PARD3B: variants seen among roughly 807,000 people sequenced by gnomAD.
The protein encoded by PARD3B is par-3 family cell polarity regulator beta, also known as partitioning defective 3 homolog B.
Under a neutral mutation model 130.2 loss-of-function variants are expected in PARD3B, and 103 were observed. That is an observed-to-expected ratio of 0.79 (90% CI 0.67 to 0.93). The LOEUF (loss-of-function observed/expected upper bound fraction) is 0.93. Ranked by LOEUF, PARD3B falls within the 40% of genes least tolerant of loss-of-function variation. The pLI is 0.00. For missense variants in PARD3B, 1,609 were observed against 1,499.2 expected (o/e 1.07, Z -1.21); for synonymous variants, 583 against 553.2 (o/e 1.05, Z -0.76).
chr2:205,187,457 A>G lies in PARD3B; in HGVS notation c.2024+1594A>G, dbSNP rs1470654584. On this transcript the variant is annotated intron_variant, in intron 14 of 22. Transcript: ENST00000406610. This position sits in a 1 kb window ranked among gnomAD's most constrained non-coding sequence, Gnocchi z 4.9. The stretch of plus-strand genomic sequence containing the variant: ...TGTGTGTATAACATGGATTGGGTGA[A>G]TGGAAGAGGTTTGATATCCCCTGGA... 6.6e-6 allele frequency among the ~76,000 whole-genome samples: 1 copy of G among 152,162 alleles called. No individual in the cohort carries two copies. Among genetic ancestry groups the G allele is most frequent in the African/African-American group, 2.4e-5 (1 of 41,438 alleles).
rs1343648610 is a variant in PARD3B at position 205,231,676 on chromosome 2, C to T, written c.2141-14102C>T. On this transcript the variant is annotated intron_variant, in intron 15 of 22. Coordinates refer to ENST00000406610, the MANE Select transcript of PARD3B (RefSeq NM_001302769.2). The stretch of plus-strand genomic sequence containing the variant: ...TAAACTTATTTCTGGAAAATTAATA[C>T]CATACTATGAAGCTTGATGTAAAAT... Among the ~76,000 whole-genome samples the T allele has an allele frequency of 3.9e-5, 6 of 151,986 alleles. No homozygotes were observed. In the East Asian group the frequency reaches 1.2e-3, roughly 29 times the overall value.
chr2:204,627,677 C>T (rs2034533757), intron 1 of PARD3B, among the ~76,000 whole-genome samples: 1 of 151,914 alleles, frequency 6.6e-6, no homozygotes, highest in South Asian at 2.1e-4. Flanking sequence ...TAGTTTTTTT[C>T]CCTTTTTGTT....
At chr2:204,735,695 G>T (rs2039715264) in intron 2 of PARD3B, among the ~76,000 whole-genome samples, 1 of 152,048 alleles carries the variant, frequency 6.6e-6, no homozygotes, top group African/African-American at 2.4e-5. Context: ...AATATGGATG[G>T]GCCGTTAGAC....
At chr2:204,708,996 A>G (rs2038312082) in intron 2 of PARD3B, among the ~76,000 whole-genome samples, 1 of 152,190 alleles carries the variant, frequency 6.6e-6, no homozygotes, top group Non-Finnish European at 1.5e-5. Flanking sequence ...GGGATTTTCT[A>G]ATTTAGCATA....
At chr2:205,152,395 CCAAT>C (rs1419955778) in intron 10 of PARD3B, among the ~76,000 whole-genome samples, 1 of 152,196 alleles carries the variant, frequency 6.6e-6, no homozygotes, top group Non-Finnish European at 1.5e-5. Context: ...TTCAGGTATA[CCAAT>C]CAGACACAGA....
rs1307524734 is a variant in PARD3B at position 205,461,756 on chromosome 2, G to T, written c.3044+21084G>T. Among the ~76,000 whole-genome samples the T allele has an allele frequency of 2.0e-5, 3 of 152,058 alleles. No individual in the cohort carries two copies. The highest frequency in any genetic ancestry group is 3.9e-4 in the East Asian group (2 of 5,186). Reference sequence around the variant, plus strand: ...TTCTGATTCAATAGGTCTGGGGTGGGACCCTACAATTTGCATTTCTAACAA... The same window carrying T: ...TTCTGATTCAATAGGTCTGGGGTGGTACCCTACAATTTGCATTTCTAACAA... On this transcript the variant is annotated intron_variant, in intron 20 of 22. Coordinates refer to ENST00000406610, the MANE Select transcript of PARD3B (RefSeq NM_001302769.2). The surrounding 1 kb of genome is among the most constrained non-coding windows in gnomAD (Gnocchi z 4.3).
In PARD3B at chr2:205,599,399, G is replaced by T. The variant is rs550109436; in HGVS notation, c.3261-16057G>T. Among the ~76,000 whole-genome samples the T allele has an allele frequency of 5.9e-5, 9 of 152,326 alleles. 2 individuals carry two copies. Among genetic ancestry groups the T allele is most frequent in the African/African-American group, 2.2e-4 (9 of 41,582 alleles). On this transcript the variant is annotated intron_variant, in intron 22 of 22. Coordinates refer to ENST00000406610, the MANE Select transcript of PARD3B (RefSeq NM_001302769.2). ...AAAAGACTGAATTCACCTGTCTCCA[G>T]AAGTTGTATTATCATGCCAGTGGTC...
intron 2 of PARD3B, among the ~76,000 whole-genome samples, chr2:204,797,532 T>A (rs866354974): frequency 8.5e-5 from 13 of 152,196 alleles, no homozygotes; most frequent in Non-Finnish European, 1.9e-4. Context: ...AAGTGCATAT[T>A]GCACCAGGAA....
intron 2 of PARD3B, among the ~76,000 whole-genome samples, chr2:204,724,166 TA>T (rs1163155890): frequency 6.6e-6 from 1 of 152,152 alleles, no homozygotes; most frequent in African/African-American, 2.4e-5. Context: ...CCATTCACCT[TA>T]AAAAAGCAGT....
chr2:204,693,581 T>A (rs942744645), intron 2 of PARD3B, among the ~76,000 whole-genome samples: 2 of 152,092 alleles, frequency 1.3e-5, no homozygotes. Context: ...TAACACACTA[T>A]TAATAATGTA....
In PARD3B at chr2:204,902,593, C is replaced by T. The variant is rs556373989; in HGVS notation, c.223-62559C>T. ...CTGAGGCAGGAGAATGGCGTGAACCCGGGAGGCGGAGCTTGCAGTGAGCCG... is the reference window on the plus strand; with the variant it reads ...CTGAGGCAGGAGAATGGCGTGAACCTGGGAGGCGGAGCTTGCAGTGAGCCG... On this transcript the variant is annotated intron_variant, in intron 2 of 22. Transcript: ENST00000406610. 3.4e-5 allele frequency among the ~76,000 whole-genome samples: 5 copies of T among 146,668 alleles called. No homozygotes were observed. The South Asian group carries it at 8.7e-4, about 25-fold the overall frequency.
At chr2:204,773,192 C>T (rs959461091) in intron 2 of PARD3B, among the ~76,000 whole-genome samples, 15 of 151,760 alleles carry the variant, frequency 9.9e-5, no homozygotes, top group Non-Finnish European at 1.8e-4. Flanking sequence ...TATATCAGTG[C>T]TGGCTTCTAT....
Position 204,750,631 on chromosome 2 carries a change from T to TACATAC in PARD3B, c.222+64352_222+64353insTACACA, listed in dbSNP as rs539946921. ...ATACATACATACATACATACATACA[T>TACATAC]ACACACACACATACATACATACATA... On this transcript the variant is annotated intron_variant, in intron 2 of 22. Transcript: ENST00000406610. 2.8e-5 allele frequency among the ~76,000 whole-genome samples: 4 copies of TACATAC among 144,434 alleles called. No homozygotes were observed. The South Asian group carries it at 6.5e-4, about 23-fold the overall frequency. 94.8% of individuals were successfully genotyped at this position (144,434 alleles called of 152,430 possible). A position where few individuals can be genotyped will look rare whatever the true frequency, so the allele number is the denominator to read the frequency against.
rs561689410 is a variant in PARD3B at position 205,421,065 on chromosome 2, C to T, written c.2742-19305C>T. On this transcript the variant is annotated intron_variant, in intron 19 of 22. Transcript: ENST00000406610. This position sits in a 1 kb window ranked among gnomAD's most constrained non-coding sequence, Gnocchi z 5.1. Reference sequence around the variant, plus strand: ...CCAAGGCAGGAGAATCACTTGAACCCGGAGGGAGTGAGCCAAGGTCATGCC... The same window carrying T: ...CCAAGGCAGGAGAATCACTTGAACCTGGAGGGAGTGAGCCAAGGTCATGCC... Among the ~76,000 whole-genome samples, 4 of 151,848 alleles carry T rather than the reference C, an allele frequency of 2.6e-5. No homozygotes were observed. In the South Asian group the frequency reaches 6.2e-4, roughly 24 times the overall value.
intron 21 of PARD3B, among the ~76,000 whole-genome samples, chr2:205,549,986 A>G (rs887200244): frequency 2.0e-5 from 3 of 152,196 alleles, no homozygotes; most frequent in Non-Finnish European, 4.4e-5. Context: ...TGGTAACAGC[A>G]ATAGCCACAG....
At chr2:205,513,328 C>T (rs1002199543) in intron 21 of PARD3B, among the ~76,000 whole-genome samples, 1 of 151,968 alleles carries the variant, frequency 6.6e-6, no homozygotes, top group Non-Finnish European at 1.5e-5. Context: ...TAGCTTTCTC[C>T]TTTCTATGTA....
At chr2:204,816,202 C>G (rs13407145) in intron 2 of PARD3B, among the ~76,000 whole-genome samples, 5,846 of 151,954 alleles carry the variant, frequency 0.038, 158 homozygotes, top group African/African-American at 0.069. Context: ...GATCATTGTG[C>G]TATTGTTGTC....
intron 1 of PARD3B, among the ~76,000 whole-genome samples, chr2:204,591,904 A>G (rs968804560): frequency 6.6e-6 from 1 of 152,260 alleles, no homozygotes; most frequent in African/African-American, 2.4e-5. Context: ...GACATAATGC[A>G]GAATTACTGT....
intron 6 of PARD3B, among the ~76,000 whole-genome samples, chr2:205,113,882 G>T (rs1703834792): frequency 6.6e-6 from 1 of 152,066 alleles, no homozygotes; most frequent in Admixed American, 6.6e-5. Flanking sequence ...TTAACATATT[G>T]TTAGACAAAT....
Sources: gnomAD v4.1 joint callset for allele counts (sites outside exome capture counted in the v4.1 genomes callset) on GRCh38, gnomAD v4.1.1 for gene constraint, Gnocchi (gnomAD v3.1) non-coding constraint, MANE v1.5 for transcripts, NCBI Gene and HGNC (gene_info 2026-07-23, HGNC 2026-07-21) for gene names.